The following FBXO4 variants were observed in gnomAD, a reference collection of about 807,000 sequenced individuals.
FBXO4 encodes F-box only protein 4.
In FBXO4, 36 loss-of-function variants were observed where a neutral mutation model predicts 43.7. That is an observed-to-expected ratio of 0.82 (90% CI 0.63 to 1.09). The LOEUF is 1.09. FBXO4 is among the 50% of genes least tolerant of loss of function. The pLI is 0.00. For missense variants in FBXO4, 435 were observed against 474.1 expected, an observed-to-expected ratio of 0.92 and a Z score of 0.77; for synonymous variants, 180 against 165.6, an observed-to-expected ratio of 1.09 and a Z score of -0.67.
At chr5:41,971,481 T>C in the FBXO4 span, among the ~76,000 whole-genome samples, 2 of 152,036 alleles carry the variant, frequency 1.3e-5, no homozygotes, top group African/African-American at 4.8e-5. Flanking sequence ...AATTAAGATA[T>C]GAAAGAAAAA....
At position 41,933,973 on chromosome 5, in the gene FBXO4, T is replaced by TG. The variant is rs767010932; in HGVS notation, c.675dup (p.Asn226GlufsTer5). On this transcript the variant is annotated frameshift_variant, in exon 4 of 7. Transcript: ENST00000281623. LOFTEE classifies it high-confidence loss of function. Reference sequence around the variant, plus strand: ...ATTGGATCAGGAGTCAATTTTCAGTTGAACAACCAACATAAATTCAACATT... The same window carrying TG: ...ATTGGATCAGGAGTCAATTTTCAGTTGGAACAACCAACATAAATTCAACATT... 1 of 1,613,486 alleles carries TG rather than the reference T, an allele frequency of 6.2e-7. No individual in the cohort carries two copies. Among genetic ancestry groups the TG allele is most frequent in the Non-Finnish European group, 8.5e-7 (1 of 1,179,914 alleles).
chr5:41,982,798 A>G, the FBXO4 span, among the ~76,000 whole-genome samples: 1 of 152,076 alleles, frequency 6.6e-6, no homozygotes, highest in Non-Finnish European at 1.5e-5. Flanking sequence ...TACACGTGCC[A>G]TGGTGTTTTA....
the FBXO4 span, among the ~76,000 whole-genome samples, chr5:42,011,975 C>T: frequency 6.6e-6 from 1 of 152,262 alleles, no homozygotes; most frequent in East Asian, 1.9e-4. Flanking sequence ...ATACCGTCTT[C>T]AAATTCCTTA....
chr5:41,997,908 C>G, the FBXO4 span, among the ~76,000 whole-genome samples: 2 of 152,090 alleles, frequency 1.3e-5, no homozygotes, highest in African/African-American at 4.8e-5. Context: ...GGGTTCTAGG[C>G]CTATAAACTG....
At chr5:41,936,475 G>A (rs568363989) in intron 5 of FBXO4, among the ~76,000 whole-genome samples, 36 of 152,178 alleles carry the variant, frequency 2.4e-4, no homozygotes, top group South Asian at 2.1e-4. Flanking sequence ...CAGAGGTTAC[G>A]TGAGCTGAAA....
chr5:41,963,127 G>T, the FBXO4 span, among the ~76,000 whole-genome samples: 1 of 151,814 alleles, frequency 6.6e-6, no homozygotes, highest in Non-Finnish European at 1.5e-5. Flanking sequence ...TAAGCAGAAG[G>T]TAATACCTGA....
At chr5:41,985,404 A>G in the FBXO4 span, among the ~76,000 whole-genome samples, 1 of 152,350 alleles carries the variant, frequency 6.6e-6, no homozygotes, top group Admixed American at 6.5e-5. Context: ...AAATAGGATT[A>G]CAAGGCACAG....
Position 41,925,479 on chromosome 5 carries a change from G to C in FBXO4, c.170G>C (p.Ser57Thr). 7.6e-7 allele frequency: 1 copy of C among 1,316,568 alleles called. No homozygotes were observed. Among genetic ancestry groups the C allele is most frequent in the Non-Finnish European group, 9.8e-7 (1 of 1,025,070 alleles). 81.6% of individuals were successfully genotyped at this position (1,316,568 alleles called of 1,614,324 possible). The change falls in exon 1 of 7, where the codon AGC (serine) becomes ACC (threonine). Residue 57 changes from serine to threonine, a missense_variant. Physicochemically the swap from Ser to Thr is moderately conservative, Grantham distance 58 (BLOSUM62 1). Coordinates refer to ENST00000281623, the MANE Select transcript of FBXO4 (RefSeq NM_012176.3). ...TSREEVDEAA[S>T]TLTRLPIDVQ... ...CGGGAGGAGGTGGATGAGGCGGCCA[G>C]CACCCTGACGCGGCTGCCGGTGAGC...
chr5:41,982,069 G>C, the FBXO4 span, among the ~76,000 whole-genome samples: 2 of 152,076 alleles, frequency 1.3e-5, no homozygotes, highest in Non-Finnish European at 2.9e-5. Context: ...TCCCTACAAA[G>C]GACATGAGCT....
the FBXO4 span, among the ~76,000 whole-genome samples, chr5:41,954,874 ATG>A: frequency 6.6e-6 from 1 of 152,186 alleles, no homozygotes; most frequent in African/African-American, 2.4e-5. Flanking sequence ...CTGATAGATA[ATG>A]TGTGTGTCTG....
At chr5:41,927,672 A>G (rs2112567588) in intron 2 of FBXO4, among the ~76,000 whole-genome samples, 1 of 152,340 alleles carries the variant, frequency 6.6e-6, no homozygotes, top group East Asian at 1.9e-4. Flanking sequence ...AAGCACTGAC[A>G]TTTTTTAATA....
chr5:41,936,866 A>G (rs1751863901), intron 5 of FBXO4, among the ~76,000 whole-genome samples: 1 of 152,184 alleles, frequency 6.6e-6, no homozygotes, highest in Admixed American at 6.5e-5. Context: ...AGGGACAAAT[A>G]GTAAATATTG....
chr5:41,945,461 T>G (rs1010471601), downstream of FBXO4, among the ~76,000 whole-genome samples: 10 of 152,200 alleles, frequency 6.6e-5, no homozygotes, highest in African/African-American at 2.2e-4. Flanking sequence ...GATGAAATGC[T>G]CCTGATTATT....
the FBXO4 span, among the ~76,000 whole-genome samples, chr5:42,039,320 T>C: frequency 0.02 from 3,047 of 152,108 alleles, 112 homozygotes; most frequent in African/African-American, 0.07. Flanking sequence ...ATGTTAAAAA[T>C]GTAATATGTA....
the FBXO4 span, among the ~76,000 whole-genome samples, chr5:42,003,454 A>G: frequency 2.7e-4 from 41 of 152,296 alleles, no homozygotes; most frequent in African/African-American, 8.7e-4. Context: ...ATAGATGAAC[A>G]TCGTACCATC....
chr5:41,940,491 G>A (rs1238332680), intron 6 of FBXO4, among the ~76,000 whole-genome samples: 1 of 152,036 alleles, frequency 6.6e-6, no homozygotes, highest in African/African-American at 2.4e-5. Flanking sequence ...CGGATTCCTG[G>A]CTTCAAGTGA....
intron 5 of FBXO4, chr5:41,934,617 GT>G: frequency 7.9e-7 from 1 of 1,271,340 alleles, no homozygotes; most frequent in Non-Finnish European, 1.0e-6. Context: ...GCATTCCAAA[GT>G]TTGGTACTAG....
Position 41,933,966 on chromosome 5 carries a change from T to A in FBXO4, c.667T>A (p.Phe223Ile). The change falls in exon 4 of 7, where the codon TTT (phenylalanine) becomes ATT (isoleucine). Residue 223 changes from phenylalanine (F) to isoleucine (I), a missense_variant. Phe to Ile is a conservative substitution (Grantham distance 21). Transcript: ENST00000281623. ...QIDGIGSGVN[F>I]QLNNQHKFNI... ...CTTAGGTATTGGATCAGGAGTCAAT[T>A]TTCAGTTGAACAACCAACATAAATT... is the stretch of plus-strand genomic sequence containing the variant. 6.2e-7 allele frequency: 1 copy of A among 1,613,460 alleles called. No individual in the cohort carries two copies. Among genetic ancestry groups the A allele is most frequent in the Non-Finnish European group, 8.5e-7 (1 of 1,179,846 alleles).
At chr5:41,972,976 A>C in the FBXO4 span, among the ~76,000 whole-genome samples, 3 of 152,192 alleles carry the variant, frequency 2.0e-5, no homozygotes, top group Non-Finnish European at 4.4e-5. Flanking sequence ...CCCCAAGAAG[A>C]AAACCTAGGA....
Sources: gnomAD v4.1 joint callset for allele counts (sites outside exome capture counted in the v4.1 genomes callset) on GRCh38, gnomAD v4.1.1 for gene constraint, MANE v1.5 for transcripts, NCBI Gene and HGNC (gene_info 2026-07-23, HGNC 2026-07-21) for gene names.